Variants in PCNX1 observed in about 807,000 individuals in gnomAD.
PCNX1 encodes the protein pecanex 1.
PCNX1 carries 78 observed loss-of-function variants against 242.2 expected under a neutral mutation model. The observed-to-expected ratio is 0.32, with a 90% CI of 0.27 to 0.39. PCNX1 has a LOEUF of 0.39. Ranked by LOEUF, PCNX1 falls within the 10% of genes least tolerant of loss-of-function variation. PCNX1 has a pLI of 1.00. For missense variants in PCNX1, 2,581 were observed against 2,856.5 expected (o/e 0.90, Z 2.20); for synonymous variants, 1,024 against 1,032.9 (o/e 0.99, Z 0.17).
chr14:71,078,417 T>C (rs2061770383), intron 28 of PCNX1, among the ~76,000 whole-genome samples: 1 of 152,218 alleles, frequency 6.6e-6, no homozygotes, highest in African/African-American at 2.4e-5. Context: ...TAGTGTAAGA[T>C]TGATCCTGAA....
rs375226150 is a variant in PCNX1 at position 71,018,989 on chromosome 14, A to G, written c.2997-20A>G. 4.4e-5 allele frequency: 71 copies of G among 1,601,702 alleles called. No individual in the cohort carries two copies. Among genetic ancestry groups the G allele is most frequent in the African/African-American group, 8.1e-5 (6 of 74,372 alleles). ...TCTTATACTTAAGATATACTTACCC[A>G]TAAGTTTTTCTGTCCGTAGAAATCG... On this transcript the variant is annotated intron_variant, in intron 11 of 35. Transcript: ENST00000304743.
Position 70,972,577 on chromosome 14 carries a change from G to A in PCNX1, c.604+3467G>A, listed in dbSNP as rs1015079576. ...GGTTTGGCGCCACCTAGTGGCAAAT[G>A]TTCATGCTGGCTTAAATATCGTTTG... On this transcript the variant is annotated intron_variant, in intron 5 of 35. Coordinates refer to ENST00000304743, the MANE Select transcript of PCNX1 (RefSeq NM_014982.3). Among the ~76,000 whole-genome samples, 7 of 152,226 alleles carry A rather than the reference G, an allele frequency of 4.6e-5. 1 individual carries two copies. The highest frequency in any genetic ancestry group is 6.5e-5 in the Admixed American group (1 of 15,288).
At chr14:70,918,667 A>G (rs768595320) in intron 1 of PCNX1, among the ~76,000 whole-genome samples, 2 of 152,228 alleles carry the variant, frequency 1.3e-5, no homozygotes, top group Non-Finnish European at 2.9e-5. Flanking sequence ...GAAGCACCAT[A>G]AAGCTAAGCA....
At chr14:71,072,742 A>G (rs1461256382) in intron 26 of PCNX1, among the ~76,000 whole-genome samples, 2 of 152,248 alleles carry the variant, frequency 1.3e-5, no homozygotes, top group African/African-American at 4.8e-5. Flanking sequence ...AAACAAGACC[A>G]CAGAACAAAA....
chr14:71,017,745 G>T (rs1186425225), intron 11 of PCNX1, among the ~76,000 whole-genome samples: 1 of 152,156 alleles, frequency 6.6e-6, no homozygotes, highest in Non-Finnish European at 1.5e-5. Context: ...ATTGAAAAGA[G>T]GTCATTGGAT....
At chr14:70,932,425 A>T (rs573015905) in intron 1 of PCNX1, among the ~76,000 whole-genome samples, 1 of 152,152 alleles carries the variant, frequency 6.6e-6, no homozygotes, top group East Asian at 1.9e-4. Flanking sequence ...GATTTTTCTT[A>T]CAATTAATCT....
chr14:70,951,899 T>G (rs2057795630), intron 2 of PCNX1, among the ~76,000 whole-genome samples: 1 of 152,234 alleles, frequency 6.6e-6, no homozygotes, highest in Non-Finnish European at 1.5e-5. Flanking sequence ...TCTTATAACC[T>G]TTCACATTTT....
chr14:70,977,995 C>T lies in PCNX1; in HGVS notation c.1658C>T (p.Thr553Ile). The change falls in exon 6 of 36, where the codon ACA (threonine) becomes ATA (isoleucine). Residue 553 changes from threonine (T) to isoleucine (I), a missense_variant. Transcript: ENST00000304743. ...RPKSSSVIHR[T>I]ASAHKSGRRR... ...AAATCTTCTAGCGTAATCCATCGGA[C>T]AGCTTCTGCCCACAAGTCAGGCAGG... is the stretch of plus-strand genomic sequence containing the variant. 6.2e-7 allele frequency: 1 copy of T among 1,614,146 alleles called. No homozygotes were observed. The highest frequency in any genetic ancestry group is 8.5e-7 in the Non-Finnish European group (1 of 1,180,020).
chr14:71,000,540 T>TG, intron 8 of PCNX1, among the ~76,000 whole-genome samples: 1 of 151,406 alleles, frequency 6.6e-6, no homozygotes, highest in Admixed American at 6.6e-5. Flanking sequence ...TTTTTTTTTT[T>TG]TTTTTTGACG....
intron 26 of PCNX1, among the ~76,000 whole-genome samples, chr14:71,062,444 A>G (rs993281990): frequency 6.6e-6 from 1 of 151,876 alleles, no homozygotes; most frequent in African/African-American, 2.4e-5. Flanking sequence ...CAAATTTTTA[A>G]AAGTTTTAAA....
intron 1 of PCNX1, among the ~76,000 whole-genome samples, chr14:70,940,188 A>G (rs1228526952): frequency 6.6e-6 from 1 of 152,062 alleles, no homozygotes; most frequent in African/African-American, 2.4e-5. Context: ...CTAGCTGGTT[A>G]TTTTGCCCGT....
intron 8 of PCNX1, among the ~76,000 whole-genome samples, chr14:71,000,864 C>T (rs1261182282): frequency 3.3e-5 from 5 of 152,068 alleles, no homozygotes; most frequent in Admixed American, 6.5e-5. Flanking sequence ...AATGTTTTGT[C>T]ACTTAGATGT....
intron 8 of PCNX1, among the ~76,000 whole-genome samples, chr14:71,007,212 ATGTT>A (rs2059692863): frequency 6.7e-6 from 1 of 150,002 alleles, no homozygotes. Context: ...TGCATTCTTT[ATGTT>A]TATTTATTTA....
chr14:71,107,174 G>GCC (rs1029019877), intron 33 of PCNX1, among the ~76,000 whole-genome samples: 2 of 151,758 alleles, frequency 1.3e-5, no homozygotes, highest in African/African-American at 4.8e-5. Flanking sequence ...CTCCCCAACT[G>GCC]CCCCCCTGAC....
chr14:70,954,819 CT>C (rs1483648541), intron 2 of PCNX1, among the ~76,000 whole-genome samples: 12 of 152,036 alleles, frequency 7.9e-5, no homozygotes, highest in Non-Finnish European at 1.2e-4. Context: ...ACATCCTTGT[CT>C]TTTTTCTAAT....
chr14:71,106,700 C>T (rs1368944836), intron 33 of PCNX1, among the ~76,000 whole-genome samples: 1 of 152,148 alleles, frequency 6.6e-6, no homozygotes, highest in Admixed American at 6.5e-5. Context: ...ATTTGCATTA[C>T]TCTGATACCT....
At chr14:70,940,806 C>T (rs1446856706) in intron 1 of PCNX1, among the ~76,000 whole-genome samples, 3 of 152,188 alleles carry the variant, frequency 2.0e-5, no homozygotes, top group Non-Finnish European at 4.4e-5. Flanking sequence ...TCCCATATTT[C>T]TTGGAGGTTT....
intron 28 of PCNX1, 96 bp downstream of exon 28, chr14:71,076,515 C>T: frequency 1.3e-6 from 1 of 742,974 alleles, no homozygotes; most frequent in Non-Finnish European, 2.2e-6. Context: ...TTTTTCAAGA[C>T]CTTCCTCTTT....
At chr14:70,915,448 C>G (rs927609193) in intron 1 of PCNX1, among the ~76,000 whole-genome samples, 2 of 152,086 alleles carry the variant, frequency 1.3e-5, no homozygotes, top group Non-Finnish European at 2.9e-5. Flanking sequence ...TTTTAGTAAC[C>G]AAAATATATT....
Sources: allele counts gnomAD v4.1 joint callset (sites outside exome capture counted in the v4.1 genomes callset), GRCh38; gene constraint gnomAD v4.1.1; transcripts MANE v1.5; gene names NCBI Gene and HGNC (gene_info 2026-07-23, HGNC 2026-07-21).